Variants in ENTHD1 observed in about 807,000 individuals in gnomAD.
ENTHD1 encodes ENTH domain containing 1, also known as ENTH domain-containing protein 1.
Under a neutral mutation model 39.1 loss-of-function variants are expected in ENTHD1, and 23 were observed. The ratio of observed to expected loss-of-function variants is 0.59; its 90% confidence interval spans 0.42 to 0.83. The LOEUF is 0.83. ENTHD1 is among the 40% of genes least tolerant of loss of function. The pLI is 0.00. For missense variants in ENTHD1, 624 were observed against 705.4 expected (o/e 0.88, Z 1.31); for synonymous variants, 230 against 258.2 (o/e 0.89, Z 1.05).
intron 6 of ENTHD1, among the ~76,000 whole-genome samples, chr22:39,753,010 T>C (rs2065158917): frequency 6.6e-6 from 1 of 152,182 alleles, no homozygotes; most frequent in Admixed American, 6.5e-5. Context: ...TTTGATTTCT[T>C]TCACTTTCAA....
chr22:39,857,015 TA>T (rs2066096959), intron 3 of ENTHD1, among the ~76,000 whole-genome samples: 1 of 152,168 alleles, frequency 6.6e-6, no homozygotes, highest in Admixed American at 6.5e-5. Flanking sequence ...TTTGTCGTAT[TA>T]AAAAATAATA....
At position 39,861,089 on chromosome 22, in the gene ENTHD1, G is replaced by C. The variant is rs369629030; in HGVS notation, c.592+676C>G. 1.2e-4 allele frequency among the ~76,000 whole-genome samples: 18 copies of C among 152,232 alleles called. No individual in the cohort carries two copies. The East Asian group carries it at 3.5e-3, about 29-fold the overall frequency. ...AAGAGACCTCATACGCACATAACTA[G>C]ACACCTAGTCTTAGAAAACTGTACT... is the stretch of plus-strand genomic sequence containing the variant. On this transcript the variant is annotated intron_variant, in intron 3 of 6. Coordinates refer to ENST00000325157, the MANE Select transcript of ENTHD1 (RefSeq NM_152512.4).
chr22:39,857,008 G>T (rs1014654982), intron 3 of ENTHD1, among the ~76,000 whole-genome samples: 1 of 152,174 alleles, frequency 6.6e-6, no homozygotes, highest in Non-Finnish European at 1.5e-5. Flanking sequence ...ATATGTGTTT[G>T]TCGTATTAAA....
chr22:39,801,485 C>G (rs1017920878), intron 5 of ENTHD1, among the ~76,000 whole-genome samples: 8 of 152,182 alleles, frequency 5.3e-5, no homozygotes, highest in Non-Finnish European at 1.2e-4. Flanking sequence ...CACATACACT[C>G]ATACAAAGAG....
chr22:39,765,710 A>C (rs2065271300), intron 5 of ENTHD1, 101 bp from the exon 6 acceptor site: 2 of 1,193,888 alleles, frequency 1.7e-6, no homozygotes, highest in African/African-American at 3.1e-5. Flanking sequence ...TTAATGTCAT[A>C]ACAGAATTCT....
chr22:39,793,428 C>A (rs1359608053), intron 5 of ENTHD1, among the ~76,000 whole-genome samples: 1 of 150,894 alleles, frequency 6.6e-6, no homozygotes, highest in Non-Finnish European at 1.5e-5. Flanking sequence ...AATATTTTCT[C>A]CTATTCAACA....
intron 3 of ENTHD1, among the ~76,000 whole-genome samples, chr22:39,840,015 A>G (rs1028887683): frequency 6.6e-6 from 1 of 152,220 alleles, no homozygotes; most frequent in Admixed American, 6.5e-5. Context: ...AGATAGCATA[A>G]CACTGGAAGT....
intron 5 of ENTHD1, among the ~76,000 whole-genome samples, chr22:39,772,402 TA>T (rs764931218): frequency 3.3e-5 from 5 of 152,086 alleles, no homozygotes; most frequent in Non-Finnish European, 2.9e-5. Context: ...GACTATAGCA[TA>T]AATGATGAGA....
intron 5 of ENTHD1, among the ~76,000 whole-genome samples, chr22:39,804,350 G>A (rs915310268): frequency 1.3e-5 from 2 of 151,378 alleles, no homozygotes; most frequent in African/African-American, 4.9e-5. Context: ...GCTAGGCGAG[G>A]TGGCACATGC....
At chr22:39,831,490 G>A in intron 4 of ENTHD1, among the ~76,000 whole-genome samples, 1 of 152,054 alleles carries the variant, frequency 6.6e-6, no homozygotes, top group South Asian at 2.1e-4. Context: ...CTAAAACACA[G>A]AAAGAAAACC....
At chr22:39,813,907 A>T (rs1215579961) in intron 5 of ENTHD1, among the ~76,000 whole-genome samples, 1 of 152,222 alleles carries the variant, frequency 6.6e-6, no homozygotes, top group Non-Finnish European at 1.5e-5. Context: ...ATTCATTTTC[A>T]TCAACAAACA....
rs1042314529 is a variant in ENTHD1 at position 39,856,214 on chromosome 22, C to T, written c.592+5551G>A. 5.7e-5 allele frequency among the ~76,000 whole-genome samples: 8 copies of T among 140,702 alleles called. No homozygotes were observed. In the East Asian group the frequency reaches 1.3e-3, roughly 23 times the overall value. The allele number at this position is 140,702 out of a possible 152,430, so 92.3% of individuals were successfully genotyped here. ...ACTTGAACCTGGGAGGCAGAGGTTG[C>T]GGTGAGCCAAGATTGCACCATTGCA... is the stretch of plus-strand genomic sequence containing the variant. On this transcript the variant is annotated intron_variant, in intron 3 of 6. Coordinates refer to ENST00000325157, the MANE Select transcript of ENTHD1 (RefSeq NM_152512.4).
intron 2 of ENTHD1, among the ~76,000 whole-genome samples, chr22:39,882,274 T>C (rs1042411795): frequency 6.6e-6 from 1 of 152,166 alleles, no homozygotes; most frequent in African/African-American, 2.4e-5. Context: ...ATATTATGAA[T>C]AAAGTACTAC....
chr22:39,744,145 T>G lies in ENTHD1; in HGVS notation c.1358A>C (p.Gln453Pro), dbSNP rs370409541. Residue 453 changes from glutamine to proline, a missense_variant, in exon 7 of 7, where the codon CAG (glutamine) becomes CCG (proline). Transcript: ENST00000325157. Reference protein sequence around the residue: ...GPSFWTLSHQQLSSTSFKDED... With the variant: ...GPSFWTLSHQPLSSTSFKDED... ...ATCTTTAAAGGAGGTAGAAGACAACTGTTGATGGGACAGAGTCCAGAAGGA... is the reference window on the plus strand; with the variant it reads ...ATCTTTAAAGGAGGTAGAAGACAACGGTTGATGGGACAGAGTCCAGAAGGA... The G allele has an allele frequency of 2.5e-6, 4 of 1,614,050 alleles. No individual in the cohort carries two copies. The African/African-American group carries it at 5.3e-5, about 22-fold the overall frequency.
intron 6 of ENTHD1, among the ~76,000 whole-genome samples, chr22:39,747,163 A>AT (rs1049220876): frequency 7.9e-5 from 12 of 151,902 alleles, no homozygotes; most frequent in Non-Finnish European, 4.4e-5. Context: ...CTTTTCTTGA[A>AT]TTTTTTGTAG....
chr22:39,782,642 A>C (rs184658901), intron 5 of ENTHD1, among the ~76,000 whole-genome samples: 4 of 152,362 alleles, frequency 2.6e-5, no homozygotes, highest in Admixed American at 2.0e-4. Context: ...TCAATGATGT[A>C]AGGATGATTC....
In ENTHD1 at chr22:39,833,670, A is replaced by C. The variant is rs183496499; in HGVS notation, c.711+2170T>G. ...AGAAAAAAGAAAACAAATAGAAACT[A>C]TAAAGAAAAGTGAAGAGATATAAAG... is the stretch of plus-strand genomic sequence containing the variant. On this transcript the variant is annotated intron_variant, in intron 4 of 6. Coordinates refer to ENST00000325157, the MANE Select transcript of ENTHD1 (RefSeq NM_152512.4). Among the ~76,000 whole-genome samples the C allele has an allele frequency of 3.6e-3, 544 of 152,054 alleles. 5 individuals carry two copies. The highest frequency in any genetic ancestry group is 0.012 in the African/African-American group (479 of 41,546).
At chr22:39,884,188 T>A (rs1407247173) in intron 2 of ENTHD1, among the ~76,000 whole-genome samples, 1 of 152,132 alleles carries the variant, frequency 6.6e-6, no homozygotes, top group African/African-American at 2.4e-5. Flanking sequence ...CATCTTCTTT[T>A]TTTTTTCTGA....
At chr22:39,784,323 T>G (rs1243163108) in intron 5 of ENTHD1, among the ~76,000 whole-genome samples, 1 of 152,152 alleles carries the variant, frequency 6.6e-6, no homozygotes, top group Non-Finnish European at 1.5e-5. Flanking sequence ...ACTGCCACTA[T>G]GGAGAACAGT....
Sources: allele counts gnomAD v4.1 joint callset (sites outside exome capture counted in the v4.1 genomes callset), GRCh38; gene constraint gnomAD v4.1.1; transcripts MANE v1.5; gene names NCBI Gene and HGNC (gene_info 2026-07-23, HGNC 2026-07-21).